The following PIK3C3 variants were observed in gnomAD, a reference collection of about 807,000 sequenced individuals.
The protein encoded by PIK3C3 is phosphatidylinositol 3-kinase catalytic subunit type 3.
In PIK3C3, 95 loss-of-function variants were observed where a neutral mutation model predicts 126.1. The observed-to-expected ratio is 0.75, with a 90% CI of 0.64 to 0.89. The LOEUF (loss-of-function observed/expected upper bound fraction) is 0.89, where lower values mean the gene tolerates loss of function less well. Among genes scored for constraint, PIK3C3 ranks in the 40% least tolerant of loss-of-function variants. PIK3C3 has a pLI of 0.00. For synonymous variants in PIK3C3, 374 were observed against 360.0 expected (o/e 1.04, Z -0.44); for missense variants, 829 against 1,063.2 (o/e 0.78, Z 3.06).
chr18:42,054,704 G>A (rs1417653116), intron 21 of PIK3C3, among the ~76,000 whole-genome samples: 2 of 151,750 alleles, frequency 1.3e-5, no homozygotes, highest in East Asian at 2.0e-4. Flanking sequence ...CATTTATTTT[G>A]CCCCTCCCCC....
chr18:41,978,618 A>G (rs980423920), intron 4 of PIK3C3, among the ~76,000 whole-genome samples: 2 of 152,204 alleles, frequency 1.3e-5, no homozygotes, highest in African/African-American at 4.8e-5. Flanking sequence ...TGAATGCATT[A>G]AACGCACATT....
In PIK3C3 at chr18:42,054,138, A is replaced by ATATC. The variant is rs56148882; in HGVS notation, c.2264-3742_2264-3741insCTAT. On this transcript the variant is annotated intron_variant, in intron 21 of 24. Transcript: ENST00000262039. ...GACAGAACTAATGGTATATATATAT[A>ATATC]TATATATATATATATATATATATAT... 2.2e-3 allele frequency among the ~76,000 whole-genome samples: 47 copies of ATATC among 21,312 alleles called. 2 individuals carry two copies. The highest frequency in any genetic ancestry group is 0.016 in the East Asian group (11 of 678). The allele number at this position is 21,312 out of a possible 152,430, so 14.0% of individuals were successfully genotyped here.
chr18:42,041,983 A>G (rs8082833), intron 19 of PIK3C3, among the ~76,000 whole-genome samples: 3,771 of 152,314 alleles, frequency 0.025, 147 homozygotes, highest in African/African-American at 0.086. Context: ...CCTGCTTGCC[A>G]GGAGATTGGT....
chr18:42,078,308 C>T (rs1056197859), intron 24 of PIK3C3, among the ~76,000 whole-genome samples: 21 of 138,798 alleles, frequency 1.5e-4, no homozygotes, highest in African/African-American at 4.4e-4. Flanking sequence ...ACCCGGGAAG[C>T]GGAGCTTGCA....
intron 4 of PIK3C3, among the ~76,000 whole-genome samples, chr18:41,977,421 A>G (rs562002314): frequency 1.3e-5 from 2 of 152,318 alleles, no homozygotes; most frequent in East Asian, 3.9e-4. Context: ...TAAGTATACA[A>G]GAGACGTACA....
intron 21 of PIK3C3, chr18:42,050,303 C>G (rs1984744721): frequency 1.3e-5 from 2 of 152,184 alleles, no homozygotes; most frequent in Non-Finnish European, 2.9e-5. Flanking sequence ...CCTTGGAGTT[C>G]TATGGGATAA....
chr18:41,955,453 C>CT, intron 1 of PIK3C3, 94 bp downstream of exon 1: 1 of 1,098,452 alleles, frequency 9.1e-7, no homozygotes, highest in Non-Finnish European at 1.4e-6. Flanking sequence ...AAGTACGTGA[C>CT]TCGTCTCAAG....
chr18:42,079,375 G>A (rs555174098), intron 24 of PIK3C3, among the ~76,000 whole-genome samples: 5 of 152,280 alleles, frequency 3.3e-5, no homozygotes, highest in East Asian at 1.9e-4. Context: ...GACACGGTTC[G>A]TGGTGCCCCA....
At chr18:41,986,888 A>AAAT (rs1981506455) in intron 4 of PIK3C3, among the ~76,000 whole-genome samples, 1 of 152,048 alleles carries the variant, frequency 6.6e-6, no homozygotes, top group Non-Finnish European at 1.5e-5. Context: ...TTTATTTCTG[A>AAAT]AATAGTATGA....
chr18:41,957,696 A>G lies in PIK3C3; in HGVS notation c.195A>G (p.Ala65=), dbSNP rs1222753895. The G allele has an allele frequency of 4.3e-6, 7 of 1,613,858 alleles. No individual in the cohort carries two copies. The African/African-American group carries it at 8.0e-5, about 18-fold the overall frequency. ...SDLYVTCQVF[A]EGKPLALPVR... ...TTTATGTTACTTGTCAAGTTTTTGC[A>G]GAAGGGAAGCCTTTGGCCTTGCCAG... The change falls in exon 2 of 25, where the codon GCA becomes GCG. Residue 65 remains alanine (A), a synonymous_variant. Coordinates refer to ENST00000262039, the MANE Select transcript of PIK3C3 (RefSeq NM_002647.4).
chr18:42,048,988 C>G (rs1238598306), intron 20 of PIK3C3, among the ~76,000 whole-genome samples: 1 of 152,092 alleles, frequency 6.6e-6, no homozygotes, highest in Non-Finnish European at 1.5e-5. Flanking sequence ...ACAGCTAGAG[C>G]CAATGTCTTT....
chr18:41,990,745 T>C, intron 6 of PIK3C3, 191 bp downstream of exon 6: 1 of 509,774 alleles, frequency 2.0e-6, no homozygotes, highest in Non-Finnish European at 3.5e-6. Flanking sequence ...CTATCACTCA[T>C]GTAATGCAGT....
chr18:41,957,463 C>A, intron 1 of PIK3C3, 107 bp from the exon 2 acceptor site: 1 of 1,029,976 alleles, frequency 9.7e-7, no homozygotes, highest in Admixed American at 3.1e-5. Flanking sequence ...AGTACTTATG[C>A]ATATATGTAC....
At chr18:42,043,647 A>G (rs193275333) in intron 19 of PIK3C3, 86 bp from the exon 20 acceptor site, 1 of 810,704 alleles carries the variant, frequency 1.2e-6, no homozygotes, top group East Asian at 2.5e-5. Context: ...TATGCTAGAC[A>G]CTTGCTGGTC....
intron 21 of PIK3C3, chr18:42,049,816 A>T: frequency 5.2e-6 from 2 of 383,668 alleles, no homozygotes; most frequent in Non-Finnish European, 9.8e-6. Context: ...TCTACTAAAC[A>T]CACAAAATTT....
intron 20 of PIK3C3, among the ~76,000 whole-genome samples, chr18:42,045,980 A>G (rs2144484469): frequency 6.6e-6 from 1 of 152,282 alleles, no homozygotes; most frequent in Non-Finnish European, 1.5e-5. Context: ...AATTATCAGA[A>G]TGGTATGTTA....
intron 24 of PIK3C3, among the ~76,000 whole-genome samples, chr18:42,079,854 T>C (rs1986174134): frequency 1.3e-5 from 2 of 152,168 alleles, no homozygotes; most frequent in Non-Finnish European, 2.9e-5. Flanking sequence ...AGAACCTTCT[T>C]TGTAGCTCTG....
intron 23 of PIK3C3, among the ~76,000 whole-genome samples, chr18:42,065,954 A>G (rs1450358817): frequency 6.6e-6 from 1 of 152,198 alleles, no homozygotes; most frequent in Non-Finnish European, 1.5e-5. Context: ...TCAGGCACTT[A>G]TGTAAGTATG....
chr18:42,035,152 T>TA (rs1268409751), intron 16 of PIK3C3, among the ~76,000 whole-genome samples: 2 of 152,290 alleles, frequency 1.3e-5, no homozygotes, highest in East Asian at 3.9e-4. Flanking sequence ...GTATAGGAGA[T>TA]ACAGTGCAAT....
Sources: allele counts gnomAD v4.1 joint callset (sites outside exome capture counted in the v4.1 genomes callset), GRCh38; gene constraint gnomAD v4.1.1; transcripts MANE v1.5; gene names NCBI Gene and HGNC (gene_info 2026-07-23, HGNC 2026-07-21).